KIAA0319: variants seen among roughly 807,000 people sequenced by gnomAD.
The protein encoded by KIAA0319 is KIAA0319, also known as dyslexia-associated protein KIAA0319.
In KIAA0319, 83 loss-of-function variants were observed where a neutral mutation model predicts 108.4. That is an observed-to-expected ratio of 0.77 (90% confidence interval 0.64 to 0.92). The LOEUF is 0.92. KIAA0319 is among the 40% of genes least tolerant of loss of function. KIAA0319 has a pLI of 0.00. For missense variants in KIAA0319, 1,195 were observed against 1,322.4 expected (o/e 0.90, Z 1.49); for synonymous variants, 484 against 510.4 (o/e 0.95, Z 0.70).
chr6:24,588,536 C>T (rs1767913938), intron 4 of KIAA0319, 57 bp downstream of exon 4: 1 of 1,485,138 alleles, frequency 6.7e-7, no homozygotes, highest in East Asian at 2.3e-5. Context: ...TTGTCACCAC[C>T]AAATTCTACA....
intron 17 of KIAA0319, among the ~76,000 whole-genome samples, 174 bp downstream of exon 17, chr6:24,558,839 C>T (rs1017271023): frequency 3.9e-5 from 6 of 152,146 alleles, no homozygotes; most frequent in African/African-American, 1.4e-4. Flanking sequence ...TCTTCCAAGA[C>T]CAAGAGTAGT....
At chr6:24,549,528 C>T (rs1357797109) in intron 20 of KIAA0319, among the ~76,000 whole-genome samples, 1 of 152,082 alleles carries the variant, frequency 6.6e-6, no homozygotes, top group East Asian at 1.9e-4. Context: ...GCAGCCCAAA[C>T]AGACCAAGGC....
At chr6:24,578,016 A>T in intron 9 of KIAA0319, 94 bp downstream of exon 9, 1 of 1,298,536 alleles carries the variant, frequency 7.7e-7, no homozygotes, top group Non-Finnish European at 1.0e-6. Context: ...TCTTTTGATC[A>T]AAATAAGAAG....
rs1050861378 is a variant in KIAA0319, at chr6:24,569,074, T to C, written c.1992-145A>G. The stretch of plus-strand genomic sequence containing the variant: ...ATTCTAAGAAAACTCCATTCATCTG[T>C]ACTCTCTAGTTCAGTGTAAGAGTCA... On this transcript the variant is annotated intron_variant, in intron 12 of 20. Transcript: ENST00000378214. The C allele has an allele frequency of 1.2e-5, 10 of 803,568 alleles. No homozygotes were observed. The African/African-American group carries it at 1.7e-4, about 14-fold the overall frequency. The allele number at this position is 803,568 out of a possible 1,614,324, so 49.8% of individuals were successfully genotyped here.
chr6:24,559,203 CTA>C (rs1561928811), intron 16 of KIAA0319, 48 bp from the exon 17 acceptor site: 1 of 1,595,288 alleles, frequency 6.3e-7, no homozygotes, highest in African/African-American at 1.3e-5. Context: ...CAGATGGTGA[CTA>C]CCATGACACG....
chr6:24,577,734 C>G (rs1440901668), intron 9 of KIAA0319, among the ~76,000 whole-genome samples: 1 of 152,206 alleles, frequency 6.6e-6, no homozygotes, highest in Non-Finnish European at 1.5e-5. Flanking sequence ...GCTCTGACAG[C>G]AAACCAAACA....
Position 24,588,463 on chromosome 6 carries a change from C to T in KIAA0319, c.994+130G>A, listed in dbSNP as rs1767905298. The T allele has an allele frequency of 1.1e-5, 8 of 747,564 alleles. No homozygotes were observed. The Admixed American group carries it at 1.3e-4, about 12-fold the overall frequency. 46.3% of individuals were successfully genotyped at this position (747,564 alleles called of 1,614,324 possible). On this transcript the variant is annotated intron_variant, in intron 4 of 20. Transcript: ENST00000378214. ...ATCTTTTTATTCCCAGTATGCAGCA[C>T]CGTTTCTGGCACATGATAGATGCTG...
Position 24,586,271 on chromosome 6 carries a change from T to C in KIAA0319, c.994+2322A>G, listed in dbSNP as rs116292221. On this transcript the variant is annotated intron_variant, in intron 4 of 20. Coordinates refer to ENST00000378214, the MANE Select transcript of KIAA0319 (RefSeq NM_014809.4). ...GGAAACTAGAATATGCCATTGCAAC[T>C]ATAACTCTTTTATACAAGGATTATT... Among the ~76,000 whole-genome samples the C allele has an allele frequency of 5.5e-3, 841 of 152,326 alleles. 5 individuals carry two copies. The highest frequency in any genetic ancestry group is 0.019 in the African/African-American group (787 of 41,576).
Position 24,579,887 on chromosome 6 carries a change from G to T in KIAA0319, c.1343C>A (p.Pro448His), listed in dbSNP as rs761639212. The change falls in exon 8 of 21, where the codon CCT (proline) becomes CAT (histidine). Residue 448 changes from proline (P) to histidine (H), a missense_variant. Pro to His is a moderately conservative substitution (Grantham distance 77, BLOSUM62 -2). Coordinates refer to ENST00000378214, the MANE Select transcript of KIAA0319 (RefSeq NM_014809.4). ...VSPQLQELTL[P>H]LTSALIDGSQ... ...GCCATCAATGAGGGCTGACGTCAAA[G>T]GCAAAGTGAGCTCTTGCAGTTGGGG... is the stretch of plus-strand genomic sequence containing the variant. 7 of 1,604,646 alleles carry T rather than the reference G, an allele frequency of 4.4e-6. No homozygotes were observed.
In KIAA0319 at chr6:24,546,529, G is replaced by C. The variant is rs1233625537; in HGVS notation, c.*636C>G. 6.6e-6 allele frequency: 1 copy of C among 152,172 alleles called. No individual in the cohort carries two copies. Among genetic ancestry groups the C allele is most frequent in the Non-Finnish European group, 1.5e-5 (1 of 68,088 alleles). 9.4% of individuals were successfully genotyped at this position (152,172 alleles called of 1,614,324 possible). A position where few individuals can be genotyped will look rare whatever the true frequency, so the allele number is the denominator to read the frequency against. On this transcript the variant is annotated 3_prime_UTR_variant, in exon 21 of 21. Transcript: ENST00000378214. Reference sequence around the variant, plus strand: ...TCTATTGCCTCAGTCCTTAGAATACGATTCTTCCTTAGCTCTTGAATGGCC... The same window carrying C: ...TCTATTGCCTCAGTCCTTAGAATACCATTCTTCCTTAGCTCTTGAATGGCC...
chr6:24,630,710 T>TATAC (rs373537245), intron 1 of KIAA0319, among the ~76,000 whole-genome samples: 3,081 of 138,584 alleles, frequency 0.022, 36 homozygotes, highest in Non-Finnish European at 0.031. Context: ...TATACACATA[T>TATAC]ACACACAAAC....
At chr6:24,576,329 C>T (rs1187146226) in intron 10 of KIAA0319, 39 bp downstream of exon 10, 25 of 1,535,016 alleles carry the variant, frequency 1.6e-5, no homozygotes, top group Non-Finnish European at 2.1e-5. Context: ...GACAGACAGA[C>T]AGACAGACAA....
intron 3 of KIAA0319, among the ~76,000 whole-genome samples, chr6:24,589,048 T>C (rs144443522): frequency 0.018 from 2,758 of 152,220 alleles, 46 homozygotes; most frequent in Non-Finnish European, 0.027. Context: ...AAAGTAATTA[T>C]AGTAGCCCCT....
rs770931600 is a variant in KIAA0319, at chr6:24,556,679, G to A, written c.2785C>T (p.Arg929Cys). 1.8e-5 allele frequency: 29 copies of A among 1,613,918 alleles called. No homozygotes were observed. The highest frequency in any genetic ancestry group is 1.6e-4 in the Middle Eastern group (1 of 6,082). ...ATCCATAAGTGAGAGCAAATGCAGC[G>A]CTTTGTGAGGGGGTCGCAGTGACCA... Reference protein sequence around the residue: ...GHGHCDPLTKRCICSHLWMEN... With the variant: ...GHGHCDPLTKCCICSHLWMEN... Residue 929 changes from arginine to cysteine, a missense_variant, in exon 18 of 21, where the codon CGC (arginine) becomes TGC (cysteine). Arg to Cys is a radical substitution (Grantham distance 180, BLOSUM62 -3). Transcript: ENST00000378214.
intron 14 of KIAA0319, among the ~76,000 whole-genome samples, chr6:24,565,416 C>T (rs901674644): frequency 1.3e-5 from 2 of 150,166 alleles, no homozygotes; most frequent in African/African-American, 5.0e-5. Flanking sequence ...GGGTAAAATG[C>T]CTGCCAGGAG....
chr6:24,576,173 T>C (rs1582017606), intron 10 of KIAA0319, among the ~76,000 whole-genome samples, 195 bp downstream of exon 10: 1 of 152,238 alleles, frequency 6.6e-6, no homozygotes. Flanking sequence ...CCTGTGCTTA[T>C]CTAAGTGGGC....
chr6:24,550,199 G>A (rs1761266980), intron 20 of KIAA0319, among the ~76,000 whole-genome samples: 1 of 152,144 alleles, frequency 6.6e-6, no homozygotes, highest in South Asian at 2.1e-4. Flanking sequence ...CATCGTCCAT[G>A]CACTGATAGA....
chr6:24,617,522 A>C (rs1582254112), intron 1 of KIAA0319, among the ~76,000 whole-genome samples: 1 of 152,292 alleles, frequency 6.6e-6, no homozygotes, highest in Non-Finnish European at 1.5e-5. Flanking sequence ...GGGAGCTAGA[A>C]AGCAGAGCGG....
At chr6:24,585,988 C>T (rs1251571836) in intron 4 of KIAA0319, among the ~76,000 whole-genome samples, 2 of 152,150 alleles carry the variant, frequency 1.3e-5, no homozygotes, top group Non-Finnish European at 2.9e-5. Context: ...ACTCAGGAAG[C>T]TGAGGCAGGA....
Sources: allele counts gnomAD v4.1 joint callset (sites outside exome capture counted in the v4.1 genomes callset), GRCh38; gene constraint gnomAD v4.1.1; transcripts MANE v1.5; gene names NCBI Gene and HGNC (gene_info 2026-07-23, HGNC 2026-07-21).